Variants in CD59 observed in about 807,000 individuals in gnomAD.
CD59 encodes CD59 molecule (CD59 blood group).
In CD59, 3 loss-of-function variants were observed where a neutral mutation model predicts 7.0. That is an observed-to-expected ratio of 0.43 (90% CI 0.19 to 1.10). The LOEUF is 1.10. CD59 is among the 50% of genes least tolerant of loss of function. CD59 has a pLI of 0.29. For missense variants in CD59, 143 were observed against 151.0 expected (o/e 0.95, Z 0.28); for synonymous variants, 60 against 62.0 (o/e 0.97, Z 0.15).
chr11:33,719,181 C>T (rs1357327138), intron 2 of CD59: 2 of 152,228 alleles, frequency 1.3e-5, no homozygotes, highest in Non-Finnish European at 2.9e-5. Flanking sequence ...TGGGTCCTCA[C>T]TTTCTGAGCA....
intron 1 of CD59, among the ~76,000 whole-genome samples, chr11:33,734,204 C>A (rs1159169893): frequency 6.6e-6 from 1 of 152,190 alleles, no homozygotes; most frequent in South Asian, 2.1e-4. Flanking sequence ...GTTCACGGAA[C>A]AAATTACATC....
rs188186217 is a variant in CD59 at position 33,715,536 on chromosome 11, G to T, written c.169+1834C>A. 4.1e-3 allele frequency among the ~76,000 whole-genome samples: 625 copies of T among 152,238 alleles called. 4 individuals are homozygous for T. Among genetic ancestry groups the T allele is most frequent in the African/African-American group, 0.014 (577 of 41,536 alleles). On this transcript the variant is annotated intron_variant, in intron 3 of 3. Coordinates refer to ENST00000642928, the MANE Select transcript of CD59 (RefSeq NM_000611.6). ...AATCACTTGAACCCTGGAGGCAGAG[G>T]TTGCAGTGAGCCAAGATTGCACCAC...
At position 33,709,728 on chromosome 11, in the gene CD59, C is replaced by A; in HGVS notation, c.*398G>T. The stretch of plus-strand genomic sequence containing the variant: ...AAAGCGTTCCATGTGAGAGAGGATG[C>A]TCATATACTCCTGCCCCACCCTCCA... On this transcript the variant is annotated 3_prime_UTR_variant, in exon 4 of 4. Coordinates refer to ENST00000642928, the MANE Select transcript of CD59 (RefSeq NM_000611.6). The A allele has an allele frequency of 3.1e-6, 1 of 320,976 alleles. No individual in the cohort carries two copies. Among genetic ancestry groups the A allele is most frequent in the Non-Finnish European group, 6.0e-6 (1 of 166,778 alleles). The allele number at this position is 320,976 out of a possible 1,614,324, so 19.9% of individuals were successfully genotyped here.
At chr11:33,714,378 A>G (rs1445653476) in intron 3 of CD59, among the ~76,000 whole-genome samples, 1 of 152,240 alleles carries the variant, frequency 6.6e-6, no homozygotes, top group African/African-American at 2.4e-5. Context: ...CAGTAAAAAT[A>G]TGACACAAAA....
intron 1 of CD59, among the ~76,000 whole-genome samples, chr11:33,730,796 T>C (rs1854394802): frequency 6.6e-6 from 1 of 152,200 alleles, no homozygotes. Flanking sequence ...CCACAAGTGA[T>C]GCTGGCCACG....
At chr11:33,730,905 T>C (rs1854398043) in intron 1 of CD59, among the ~76,000 whole-genome samples, 1 of 152,216 alleles carries the variant, frequency 6.6e-6, no homozygotes, top group Admixed American at 6.5e-5. Context: ...CCGCCTGCCA[T>C]TTCAGACAAG....
At chr11:33,734,544 C>A in intron 1 of CD59, among the ~76,000 whole-genome samples, 1 of 152,144 alleles carries the variant, frequency 6.6e-6, no homozygotes, top group East Asian at 1.9e-4. Flanking sequence ...TTGGTCAGCT[C>A]CCACTTATTA....
chr11:33,733,391 T>C (rs1006954013), intron 1 of CD59: 5 of 152,000 alleles, frequency 3.3e-5, no homozygotes, highest in Non-Finnish European at 5.9e-5. Flanking sequence ...CTGAGGCGGG[T>C]GGATCACTTG....
chr11:33,733,819 G>A (rs2133577614), intron 1 of CD59, among the ~76,000 whole-genome samples: 1 of 152,336 alleles, frequency 6.6e-6, no homozygotes, highest in East Asian at 1.9e-4. Context: ...GTTGACATCA[G>A]TGGTGTTTCC....
rs7106551 is a variant in CD59, at chr11:33,704,866, A to G, written c.*5260T>C. 0.012 allele frequency: 1,885 copies of G among 152,706 alleles called. 18 individuals are homozygous for G. Among genetic ancestry groups the G allele is most frequent in the African/African-American group, 0.02 (830 of 41,542 alleles). 9.5% of individuals were successfully genotyped at this position (152,706 alleles called of 1,614,324 possible). ...TTGTTTGTGCCACAATTTAAGGACC[A>G]AGCTATTCTGGGAAGCCCAGAACAG... On this transcript the variant is annotated 3_prime_UTR_variant, in exon 4 of 4. Coordinates refer to ENST00000642928, the MANE Select transcript of CD59 (RefSeq NM_000611.6).
At chr11:33,721,776 G>A (rs570736495) in intron 2 of CD59, among the ~76,000 whole-genome samples, 1 of 152,206 alleles carries the variant, frequency 6.6e-6, no homozygotes, top group Non-Finnish European at 1.5e-5. Context: ...TACCACTTCT[G>A]TGTGTTATTT....
intron 1 of CD59, among the ~76,000 whole-genome samples, chr11:33,727,243 C>A (rs1319614819): frequency 6.6e-6 from 1 of 152,166 alleles, no homozygotes; most frequent in Admixed American, 6.5e-5. Flanking sequence ...AGGCCAATAT[C>A]CCTGATGAAC....
At chr11:33,719,265 T>C (rs570092400) in intron 2 of CD59, 7 of 152,310 alleles carry the variant, frequency 4.6e-5, no homozygotes, top group Admixed American at 4.6e-4. Flanking sequence ...TCCTACCCAA[T>C]AGAGGATCCT....
At chr11:33,718,252 G>A (rs2133547368) in intron 2 of CD59, 1 of 152,658 alleles carries the variant, frequency 6.6e-6, no homozygotes, top group South Asian at 2.1e-4. Context: ...GGAAGCCGAG[G>A]AGGGTGGATC....
rs896346024 is a variant in CD59, at chr11:33,711,267, G to A, written c.170-924C>T. On this transcript the variant is annotated intron_variant, in intron 3 of 3. Transcript: ENST00000642928. ...GAATTGTTTGAGGCGGGAAGTTTCA[G>A]ACCAGCCTGGTCAACATGGCAAGAC... 4 of 603,858 alleles carry A rather than the reference G, an allele frequency of 6.6e-6. No individual in the cohort carries two copies. In the African/African-American group the frequency reaches 7.6e-5, roughly 11 times the overall value. 37.4% of individuals were successfully genotyped at this position (603,858 alleles called of 1,614,324 possible).
rs1021803430 is a variant in CD59, at chr11:33,708,605, A to G, written c.*1521T>C. On this transcript the variant is annotated 3_prime_UTR_variant, in exon 4 of 4. Coordinates refer to ENST00000642928, the MANE Select transcript of CD59 (RefSeq NM_000611.6). Reference sequence around the variant, plus strand: ...TGGTCAGTACTTCCTCAGGCCAAAAAAAAAAAAAAAAACCTATTGATGTAA... The same window carrying G: ...TGGTCAGTACTTCCTCAGGCCAAAAGAAAAAAAAAAAACCTATTGATGTAA... 2.6e-5 allele frequency: 4 copies of G among 152,002 alleles called. No individual in the cohort carries two copies. The highest frequency in any genetic ancestry group is 6.5e-5 in the Admixed American group (1 of 15,272). 9.4% of individuals were successfully genotyped at this position (152,002 alleles called of 1,614,324 possible).
intron 1 of CD59, among the ~76,000 whole-genome samples, chr11:33,724,471 G>A (rs1490139764): frequency 6.6e-6 from 1 of 152,212 alleles, no homozygotes; most frequent in Non-Finnish European, 1.5e-5. Flanking sequence ...CTCTGATCAC[G>A]CTTTGGCTAG....
At chr11:33,722,955 G>A (rs1854137961) in intron 1 of CD59, 2 of 1,056,794 alleles carry the variant, frequency 1.9e-6, no homozygotes, top group Non-Finnish European at 2.3e-6. Context: ...AGTATAATGG[G>A]GACACTTGCT....
rs1416523637 is a variant in CD59 at position 33,704,647 on chromosome 11, T to C, written c.*5479A>G. The C allele has an allele frequency of 6.6e-6, 1 of 152,198 alleles. No individual in the cohort carries two copies. Among genetic ancestry groups the C allele is most frequent in the South Asian group, 2.1e-4 (1 of 4,830 alleles). The allele number at this position is 152,198 out of a possible 1,614,324, so 9.4% of individuals were successfully genotyped here. ...TTTTCCAGATGAGAAAACTGAGGCA[T>C]GTAAGGTTAAGTAACTTGCCTGAGG... On this transcript the variant is annotated 3_prime_UTR_variant, in exon 4 of 4. Coordinates refer to ENST00000642928, the MANE Select transcript of CD59 (RefSeq NM_000611.6).
Sources: gnomAD v4.1 joint callset for allele counts (sites outside exome capture counted in the v4.1 genomes callset) on GRCh38, gnomAD v4.1.1 for gene constraint, MANE v1.5 for transcripts, NCBI Gene and HGNC (gene_info 2026-07-23, HGNC 2026-07-21) for gene names.